The following WDFY3 variants were observed in gnomAD, a reference collection of about 807,000 sequenced individuals.
The protein encoded by WDFY3 is WD repeat and FYVE domain-containing protein 3.
In WDFY3, 66 loss-of-function variants were observed where a neutral mutation model predicts 409.6. The ratio of observed to expected loss-of-function variants is 0.16; its 90% CI spans 0.13 to 0.20. The LOEUF (loss-of-function observed/expected upper bound fraction) is 0.20. WDFY3 is among the 10% of genes least tolerant of loss of function. The pLI is 1.00. For missense variants in WDFY3, 3,031 were observed against 4,298.1 expected (o/e 0.71, Z 8.24); for synonymous variants, 1,521 against 1,537.1 (o/e 0.99, Z 0.25).
At chr4:84,878,048 T>C (rs1230538449) in intron 3 of WDFY3, among the ~76,000 whole-genome samples, 1 of 152,182 alleles carries the variant, frequency 6.6e-6, no homozygotes, top group African/African-American at 2.4e-5. Context: ...AAAATGACCA[T>C]TTTTGTTAAG....
At chr4:84,924,318 T>G (rs1769695262) in intron 2 of WDFY3, among the ~76,000 whole-genome samples, 1 of 152,232 alleles carries the variant, frequency 6.6e-6, no homozygotes, top group South Asian at 2.1e-4. Flanking sequence ...CATACACGGC[T>G]TTATATCCAT....
intron 4 of WDFY3, among the ~76,000 whole-genome samples, chr4:84,859,577 T>C (rs1423364582): frequency 6.6e-6 from 1 of 152,096 alleles, no homozygotes; most frequent in Non-Finnish European, 1.5e-5. Flanking sequence ...AAAAAGTTAT[T>C]ATTATTATTA....
intron 40 of WDFY3, among the ~76,000 whole-genome samples, chr4:84,738,682 C>T (rs954753977): frequency 2.0e-5 from 3 of 151,582 alleles, no homozygotes; most frequent in Non-Finnish European, 4.4e-5. Context: ...CAATATTAGC[C>T]TACTCTAATG....
At position 84,955,546 on chromosome 4, in the gene WDFY3, T is replaced by A. The variant is rs1433170115; in HGVS notation, c.-226+10663A>T. On this transcript the variant is annotated intron_variant, in intron 1 of 67. Coordinates refer to ENST00000295888, the MANE Select transcript of WDFY3 (RefSeq NM_014991.6). ...TTTTCCAACATTTTTCAAAATAAGG[T>A]CACTATGCTTTTAGTAATAAAATAT... Among the ~76,000 whole-genome samples the A allele has an allele frequency of 2.0e-5, 3 of 152,270 alleles. No individual in the cohort carries two copies. In the East Asian group the frequency reaches 5.8e-4, roughly 29 times the overall value.
chr4:84,937,985 T>G (rs1462290072), intron 1 of WDFY3, among the ~76,000 whole-genome samples: 1 of 152,166 alleles, frequency 6.6e-6, no homozygotes, highest in Non-Finnish European at 1.5e-5. Context: ...AAATTAGGCA[T>G]AGTACTCTTA....
intron 3 of WDFY3, among the ~76,000 whole-genome samples, chr4:84,888,949 C>A (rs1764586412): frequency 6.6e-6 from 1 of 151,704 alleles, no homozygotes; most frequent in African/African-American, 2.4e-5. Context: ...TTCTTCTCTT[C>A]TTTACTTCTC....
At chr4:84,905,363 C>A (rs1401968717) in intron 2 of WDFY3, among the ~76,000 whole-genome samples, 1 of 151,942 alleles carries the variant, frequency 6.6e-6, no homozygotes, top group African/African-American at 2.4e-5. Context: ...TAAATAAATT[C>A]TTGACTTCCC....
intron 27 of WDFY3, 152 bp from the exon 28 acceptor site, chr4:84,775,290 AT>A (rs1745362038): frequency 8.7e-6 from 6 of 690,034 alleles, no homozygotes; most frequent in Middle Eastern, 4.2e-4. Flanking sequence ...CAGAAAAAAA[AT>A]CATTATAAAT....
intron 30 of WDFY3, among the ~76,000 whole-genome samples, chr4:84,772,140 G>C (rs1436637142): frequency 6.6e-6 from 1 of 152,104 alleles, no homozygotes; most frequent in Non-Finnish European, 1.5e-5. Context: ...TAATATAATA[G>C]GGTAATAATG....
intron 25 of WDFY3, among the ~76,000 whole-genome samples, chr4:84,782,180 T>C (rs971472463): frequency 6.6e-6 from 1 of 152,226 alleles, no homozygotes; most frequent in Non-Finnish European, 1.5e-5. Flanking sequence ...GTGTTTATAC[T>C]CAGAAGCTCT....
chr4:84,757,978 T>C (rs879835609), intron 32 of WDFY3, among the ~76,000 whole-genome samples: 7 of 152,138 alleles, frequency 4.6e-5, no homozygotes, highest in Non-Finnish European at 1.0e-4. Flanking sequence ...CATCCAGAAT[T>C]CCCTCTAGAA....
chr4:84,794,964 G>A lies in WDFY3; in HGVS notation c.3183C>T (p.Pro1061=). Residue 1061 remains proline (P), a synonymous_variant, in exon 20 of 68, where the codon CCC becomes CCT. Coordinates refer to ENST00000295888, the MANE Select transcript of WDFY3 (RefSeq NM_014991.6). ...SLEGFGCLFL[P]SLAPHNAPTN... ...TAGGAGCATTATGAGGGGCCAAACT[G>A]GGCAAAAAAAGACATCTATTAAAGA... The A allele has an allele frequency of 1.3e-6, 2 of 1,549,512 alleles. No individual in the cohort carries two copies. The highest frequency in any genetic ancestry group is 1.7e-6 in the Non-Finnish European group (2 of 1,154,216).
intron 36 of WDFY3, among the ~76,000 whole-genome samples, chr4:84,745,938 C>T (rs1016508738): frequency 6.6e-6 from 1 of 151,852 alleles, no homozygotes; most frequent in Non-Finnish European, 1.5e-5. Flanking sequence ...ACCATTTTTT[C>T]CAATAGCTTG....
At chr4:84,853,140 A>G (rs1759262224) in intron 4 of WDFY3, among the ~76,000 whole-genome samples, 1 of 152,138 alleles carries the variant, frequency 6.6e-6, no homozygotes, top group African/African-American at 2.4e-5. Flanking sequence ...TAGCCATTCC[A>G]CCTGTGCTCA....
intron 8 of WDFY3, among the ~76,000 whole-genome samples, chr4:84,830,012 G>C (rs1755467063): frequency 6.6e-6 from 1 of 151,882 alleles, no homozygotes; most frequent in South Asian, 2.1e-4. Context: ...TCTTATCTTT[G>C]GTGGTATGTA....
intron 18 of WDFY3, among the ~76,000 whole-genome samples, chr4:84,797,315 G>A (rs1749630041): frequency 1.3e-5 from 2 of 151,894 alleles, no homozygotes; most frequent in South Asian, 4.2e-4. Flanking sequence ...TTTATAAAAA[G>A]GGTAACAATT....
intron 1 of WDFY3, among the ~76,000 whole-genome samples, chr4:84,946,578 G>C (rs1202057730): frequency 6.6e-6 from 1 of 152,106 alleles, no homozygotes; most frequent in Non-Finnish European, 1.5e-5. Context: ...ATCTCTACTA[G>C]TGGGGAGGAA....
At position 84,671,885 on chromosome 4, in the gene WDFY3, T is replaced by C. The variant is rs1725489279; in HGVS notation, c.*983A>G. 1 of 152,466 alleles carries C rather than the reference T, an allele frequency of 6.6e-6. No individual in the cohort carries two copies. The highest frequency in any genetic ancestry group is 1.5e-5 in the Non-Finnish European group (1 of 68,046). The allele number at this position is 152,466 out of a possible 1,614,324, so 9.4% of individuals were successfully genotyped here. ...GAACATTAGTGTCACCAAAGACACA[T>C]ACTTATTATGTTCTATGCAAGATAA... On this transcript the variant is annotated 3_prime_UTR_variant, in exon 68 of 68. Transcript: ENST00000295888.
chr4:84,691,850 G>T, intron 59 of WDFY3, 65 bp from the exon 60 acceptor site: 1 of 1,401,056 alleles, frequency 7.1e-7, no homozygotes, highest in Non-Finnish European at 9.7e-7. Context: ...ATCTCATAGA[G>T]CATGATAATT....
Sources: gnomAD v4.1 joint callset for allele counts (sites outside exome capture counted in the v4.1 genomes callset) on GRCh38, gnomAD v4.1.1 for gene constraint, MANE v1.5 for transcripts, NCBI Gene and HGNC (gene_info 2026-07-23, HGNC 2026-07-21) for gene names.